The following SLC2A12 variants were observed in gnomAD, a reference collection of about 807,000 sequenced individuals.
The protein encoded by SLC2A12 is solute carrier family 2 member 12, also known as solute carrier family 2, facilitated glucose transporter member 12.
A neutral mutation model predicts 41.8 loss-of-function variants in SLC2A12; 23 were observed. The observed-to-expected ratio is 0.55, with a 90% CI of 0.40 to 0.78. The LOEUF (loss-of-function observed/expected upper bound fraction) is 0.78, where lower values mean the gene tolerates loss of function less well. Ranked by LOEUF, SLC2A12 falls within the 30% of genes least tolerant of loss-of-function variation. The pLI, the probability that SLC2A12 is intolerant of heterozygous loss-of-function variation, is 0.00. For missense variants in SLC2A12, 654 were observed against 745.6 expected, an observed-to-expected ratio of 0.88 and a Z score of 1.43; for synonymous variants, 295 against 285.9, an observed-to-expected ratio of 1.03 and a Z score of -0.32.
In SLC2A12 at chr6:133,997,004, G is replaced by T. The variant is rs78021035; in HGVS notation, c.1700+4993C>A. Among the ~76,000 whole-genome samples, 1,579 of 149,556 alleles carry T rather than the reference G, an allele frequency of 0.011. 88 individuals carry two copies. The East Asian group carries it at 0.18, about 17-fold the overall frequency. On this transcript the variant is annotated intron_variant, in intron 4 of 4. Transcript: ENST00000275230. ...TTGCATGAATAGAAGTTAACCAGGA[G>T]GCAAAGGCGGGCAGATCACGAGGTC...
intron 1 of SLC2A12, among the ~76,000 whole-genome samples, chr6:134,035,062 G>A (rs970179994): frequency 3.4e-5 from 5 of 149,074 alleles, no homozygotes; most frequent in Non-Finnish European, 4.4e-5. Flanking sequence ...GTTGGGGCTC[G>A]GAATAAGATA....
At chr6:134,038,138 T>A (rs1364941111) in intron 1 of SLC2A12, among the ~76,000 whole-genome samples, 1 of 152,078 alleles carries the variant, frequency 6.6e-6, no homozygotes, top group East Asian at 1.9e-4. Context: ...AATGTTGCGA[T>A]CTTTCTTTGT....
intron 2 of SLC2A12, among the ~76,000 whole-genome samples, chr6:134,024,101 C>T (rs1321503396): frequency 6.6e-6 from 1 of 152,222 alleles, no homozygotes; most frequent in Non-Finnish European, 1.5e-5. Flanking sequence ...GGAGTGAGGG[C>T]CCAGCGAGTT....
chr6:134,044,493 C>T (rs1248819809), intron 1 of SLC2A12, among the ~76,000 whole-genome samples: 1 of 152,096 alleles, frequency 6.6e-6, no homozygotes, highest in Non-Finnish European at 1.5e-5. Flanking sequence ...GTGGGTGGAT[C>T]ACTTGAGGTC....
Position 134,010,524 on chromosome 6 carries a change from G to A in SLC2A12, c.1445-3590C>T, listed in dbSNP as rs140122981. On this transcript the variant is annotated intron_variant, in intron 2 of 4. Transcript: ENST00000275230. ...CTTTCAATCCCATCGTTTGAGGACCGCCTCAGCAATTCGTACTCTTACAAA... is the reference window on the plus strand; with the variant it reads ...CTTTCAATCCCATCGTTTGAGGACCACCTCAGCAATTCGTACTCTTACAAA... 8.5e-3 allele frequency among the ~76,000 whole-genome samples: 1,294 copies of A among 152,214 alleles called. 8 individuals are homozygous for A. Among genetic ancestry groups the A allele is most frequent in the Non-Finnish European group, 0.014 (930 of 68,028 alleles).
At chr6:133,994,621 G>A (rs1202538606) in intron 4 of SLC2A12, among the ~76,000 whole-genome samples, 5 of 152,096 alleles carry the variant, frequency 3.3e-5, no homozygotes, top group African/African-American at 7.2e-5. Flanking sequence ...CCAGCTACTC[G>A]GGAGGCTGAG....
At chr6:134,043,003 C>A (rs1463739544) in intron 1 of SLC2A12, among the ~76,000 whole-genome samples, 1 of 150,484 alleles carries the variant, frequency 6.6e-6, no homozygotes, top group Admixed American at 6.6e-5. Flanking sequence ...AAACAAAAAC[C>A]AAACACACAC....
At chr6:133,993,618 C>G (rs994800477) in intron 4 of SLC2A12, among the ~76,000 whole-genome samples, 1 of 152,192 alleles carries the variant, frequency 6.6e-6, no homozygotes, top group Non-Finnish European at 1.5e-5. Context: ...AAGAGATAGA[C>G]AGTAGACCAA....
Position 134,029,527 on chromosome 6 carries a change from G to A in SLC2A12, c.298C>T (p.Leu100=), listed in dbSNP as rs1400229236. The change falls in exon 2 of 5, where the codon CTG becomes TTG. Residue 100 remains leucine (L), a synonymous_variant. Transcript: ENST00000275230. Reference sequence around the variant, plus strand: ...GTCCTTCTTCCATATCTGTCTATCAGGACCCCTCCGGTGAGTGAGGCAAGG... The same window carrying A: ...GTCCTTCTTCCATATCTGTCTATCAAGACCCCTCCGGTGAGTGAGGCAAGG... ...ALLASLTGGV[L]IDRYGRRTAI... 6.2e-7 allele frequency: 1 copy of A among 1,614,136 alleles called. No homozygotes were observed. The highest frequency in any genetic ancestry group is 1.7e-5 in the Admixed American group (1 of 60,014).
chr6:134,014,422 T>A (rs1251596043), intron 2 of SLC2A12, among the ~76,000 whole-genome samples: 1 of 152,130 alleles, frequency 6.6e-6, no homozygotes, highest in African/African-American at 2.4e-5. Context: ...TACCCCAATA[T>A]GCAGACCACT....
intron 2 of SLC2A12, among the ~76,000 whole-genome samples, chr6:134,020,896 C>T (rs979093842): frequency 6.6e-6 from 1 of 152,146 alleles, no homozygotes; most frequent in Non-Finnish European, 1.5e-5. Context: ...AGCAGTTCTC[C>T]GAAGCCCCTC....
At chr6:134,041,036 C>T (rs1777375419) in intron 1 of SLC2A12, among the ~76,000 whole-genome samples, 1 of 152,162 alleles carries the variant, frequency 6.6e-6, no homozygotes, top group African/African-American at 2.4e-5. Flanking sequence ...TGGTGTGGTT[C>T]CATTGAACCA....
intron 4 of SLC2A12, among the ~76,000 whole-genome samples, chr6:133,995,907 G>C (rs985838039): frequency 2.6e-5 from 4 of 152,166 alleles, no homozygotes; most frequent in African/African-American, 9.7e-5. Context: ...CTTAGCCTTT[G>C]CACTACCTGT....
intron 2 of SLC2A12, among the ~76,000 whole-genome samples, chr6:134,019,220 T>C (rs1461795886): frequency 6.6e-6 from 1 of 152,160 alleles, no homozygotes; most frequent in Admixed American, 6.5e-5. Flanking sequence ...AAAAAAACAG[T>C]CACATATATT....
intron 4 of SLC2A12, among the ~76,000 whole-genome samples, chr6:134,000,187 C>A (rs544489572): frequency 3.3e-5 from 5 of 152,012 alleles, no homozygotes; most frequent in Non-Finnish European, 7.4e-5. Flanking sequence ...GAAAACAGGG[C>A]CTCATCTGTA....
chr6:134,014,867 G>A (rs1255655422), intron 2 of SLC2A12, among the ~76,000 whole-genome samples: 1 of 152,220 alleles, frequency 6.6e-6, no homozygotes, highest in African/African-American at 2.4e-5. Flanking sequence ...CTGTGGTTAT[G>A]CTACAAAAAT....
chr6:134,051,939 TAC>T (rs901524175), intron 1 of SLC2A12, among the ~76,000 whole-genome samples: 1 of 152,200 alleles, frequency 6.6e-6, no homozygotes, highest in African/African-American at 2.4e-5. Flanking sequence ...GTCAACTGGT[TAC>T]ACAGTGTCCA....
chr6:134,042,315 C>T (rs962366647), intron 1 of SLC2A12, among the ~76,000 whole-genome samples: 7 of 152,054 alleles, frequency 4.6e-5, no homozygotes, highest in Non-Finnish European at 8.8e-5. Flanking sequence ...GATGAAGGTC[C>T]TTTTAGGAAG....
At chr6:134,018,752 C>T (rs1183641723) in intron 2 of SLC2A12, among the ~76,000 whole-genome samples, 1 of 121,130 alleles carries the variant, frequency 8.3e-6, no homozygotes, top group Non-Finnish European at 1.8e-5. Flanking sequence ...TAGGTGTGTT[C>T]ATTTTTTTTT....
Sources: allele counts gnomAD v4.1 joint callset (sites outside exome capture counted in the v4.1 genomes callset), GRCh38; gene constraint gnomAD v4.1.1; transcripts MANE v1.5; gene names NCBI Gene and HGNC (gene_info 2026-07-23, HGNC 2026-07-21).